PPFIBP2: variants seen among roughly 807,000 people sequenced by gnomAD.
The protein encoded by PPFIBP2 is PPFIB scaffold protein 2.
Under a neutral mutation model 118.3 loss-of-function variants are expected in PPFIBP2, and 118 were observed. The observed-to-expected ratio is 1.00, with a 90% CI of 0.86 to 1.16. The LOEUF (loss-of-function observed/expected upper bound fraction) is 1.16, where lower values mean the gene tolerates loss of function less well. PPFIBP2 is among the 50% of genes most tolerant of loss of function. The pLI is 0.00. For synonymous variants in PPFIBP2, 414 were observed against 397.4 expected, an observed-to-expected ratio of 1.04 and a Z score of -0.50; for missense variants, 1,195 against 1,073.1, an observed-to-expected ratio of 1.11 and a Z score of -1.59.
intron 6 of PPFIBP2, among the ~76,000 whole-genome samples, chr11:7,613,873 C>T (rs1007037485): frequency 6.6e-6 from 1 of 152,148 alleles, no homozygotes; most frequent in Non-Finnish European, 1.5e-5. Context: ...GGGGAGTCAG[C>T]CCAACTGATC....
chr11:7,664,555 T>C, the PPFIBP2 span, among the ~76,000 whole-genome samples: 1 of 152,188 alleles, frequency 6.6e-6, no homozygotes, highest in Non-Finnish European at 1.5e-5. Flanking sequence ...TGGACTTTGT[T>C]ATCTGTTCCC....
intron 6 of PPFIBP2, among the ~76,000 whole-genome samples, chr11:7,620,041 C>G (rs989910968): frequency 1.3e-5 from 2 of 152,152 alleles, no homozygotes; most frequent in Non-Finnish European, 2.9e-5. Flanking sequence ...TTAGTGGAGT[C>G]ATCTTTATAG....
At chr11:7,610,824 C>T (rs545261487) in intron 6 of PPFIBP2, among the ~76,000 whole-genome samples, 1 of 152,180 alleles carries the variant, frequency 6.6e-6, no homozygotes, top group Non-Finnish European at 1.5e-5. Context: ...CGTTTCTTGA[C>T]GTGCGTTTCA....
chr11:7,528,773 A>G (rs1850434485), intron 1 of PPFIBP2, among the ~76,000 whole-genome samples: 1 of 152,222 alleles, frequency 6.6e-6, no homozygotes, highest in Non-Finnish European at 1.5e-5. Context: ...TTCACAGATC[A>G]CATGTTCAAG....
At chr11:7,637,831 C>T (rs1004940673) in intron 14 of PPFIBP2, among the ~76,000 whole-genome samples, 1 of 152,222 alleles carries the variant, frequency 6.6e-6, no homozygotes, top group Non-Finnish European at 1.5e-5. Context: ...GTCTTTCTTA[C>T]AGGTCGGGGC....
intron 15 of PPFIBP2, 79 bp from the exon 16 acceptor site, chr11:7,641,400 G>T: frequency 1.3e-6 from 2 of 1,496,238 alleles, no homozygotes. Context: ...CCACTGAAGG[G>T]GAGGGCCCAG....
chr11:7,651,880 T>C (rs1854074777), intron 23 of PPFIBP2, 36 bp downstream of exon 23: 1 of 1,574,258 alleles, frequency 6.4e-7, no homozygotes, highest in East Asian at 2.3e-5. Flanking sequence ...GGCCCTGGGC[T>C]GCCTCCTGGC....
chr11:7,630,912 T>A lies in PPFIBP2; in HGVS notation c.965-13T>A. ...AATTCAACAATTCAGTCTTACTACC[T>A]TAATGCTTGCAGGGCCTTCGGAGAG... On this transcript the variant is annotated splice_polypyrimidine_tract_variant and intron_variant, in intron 10 of 23. Coordinates refer to ENST00000299492, the MANE Select transcript of PPFIBP2 (RefSeq NM_003621.5). 1 of 1,602,412 alleles carries A rather than the reference T, an allele frequency of 6.2e-7. No individual in the cohort carries two copies. The highest frequency in any genetic ancestry group is 8.6e-7 in the Non-Finnish European group (1 of 1,169,322).
intron 1 of PPFIBP2, among the ~76,000 whole-genome samples, chr11:7,519,128 G>C (rs1849502670): frequency 6.6e-6 from 1 of 152,054 alleles, no homozygotes; most frequent in African/African-American, 2.4e-5. Context: ...GATGGCAGCT[G>C]AGAAGATGGC....
rs146245078 is a variant in PPFIBP2, at chr11:7,643,337, A to G, written c.1646+911A>G. 2.1e-3 allele frequency among the ~76,000 whole-genome samples: 316 copies of G among 152,320 alleles called. 1 individual carries two copies. The highest frequency in any genetic ancestry group is 7.0e-3 in the African/African-American group (290 of 41,568). ...AAGGATTGACTCTAGAAGGGGAATCATTGGGTCAGGGTATAAAAACTTTCC... is the reference window on the plus strand; with the variant it reads ...AAGGATTGACTCTAGAAGGGGAATCGTTGGGTCAGGGTATAAAAACTTTCC... On this transcript the variant is annotated intron_variant, in intron 17 of 23. Coordinates refer to ENST00000299492, the MANE Select transcript of PPFIBP2 (RefSeq NM_003621.5).
chr11:7,585,468 A>G (rs1294266274), intron 3 of PPFIBP2, among the ~76,000 whole-genome samples: 2 of 152,218 alleles, frequency 1.3e-5, no homozygotes, highest in African/African-American at 2.4e-5. Flanking sequence ...TCAATGAAGT[A>G]CAGTGCCAGC....
rs1287462280 is a variant in PPFIBP2 at position 7,651,956 on chromosome 11, A to T, written c.2436+112A>T. 5 of 1,053,370 alleles carry T rather than the reference A, an allele frequency of 4.7e-6. No homozygotes were observed. The African/African-American group carries it at 8.1e-5, about 17-fold the overall frequency. 65.3% of individuals were successfully genotyped at this position (1,053,370 alleles called of 1,614,324 possible). ...AGCAGCATGCGCAGCCTGGACAAAG[A>T]GGATCTTTCAGCTTCTGCTGTGGGC... On this transcript the variant is annotated intron_variant, in intron 23 of 23. Transcript: ENST00000299492.
At chr11:7,599,747 T>C (rs1228716319) in intron 5 of PPFIBP2, among the ~76,000 whole-genome samples, 1 of 151,242 alleles carries the variant, frequency 6.6e-6, no homozygotes. Context: ...TCTCCTGCCT[T>C]AGCCTCCCAA....
intron 2 of PPFIBP2, among the ~76,000 whole-genome samples, chr11:7,558,198 T>C (rs1433543526): frequency 6.6e-6 from 1 of 152,206 alleles, no homozygotes; most frequent in African/African-American, 2.4e-5. Context: ...CATCTTCACT[T>C]GAACACAGAC....
chr11:7,569,607 G>A (rs1855423805), intron 3 of PPFIBP2, among the ~76,000 whole-genome samples: 1 of 152,234 alleles, frequency 6.6e-6, no homozygotes, highest in South Asian at 2.1e-4. Context: ...TATAGAGGGT[G>A]TCTTGGGGTC....
chr11:7,613,481 C>T (rs1221755956), intron 6 of PPFIBP2, among the ~76,000 whole-genome samples: 1 of 152,158 alleles, frequency 6.6e-6, no homozygotes, highest in Non-Finnish European at 1.5e-5. Flanking sequence ...ACTAGGTTTC[C>T]TGTTTACCTT....
rs182870091 is a variant in PPFIBP2, at chr11:7,532,384, C to G, written c.-36-17056C>G. 2.6e-5 allele frequency among the ~76,000 whole-genome samples: 4 copies of G among 152,282 alleles called. No homozygotes were observed. In the East Asian group the frequency reaches 7.7e-4, roughly 29 times the overall value. ...TTTTGAGGGTGTGGGTACAATTCAG[C>G]TCATAACAGGGTGTTTCCAAAATCC... On this transcript the variant is annotated intron_variant, in intron 1 of 23. Coordinates refer to ENST00000299492, the MANE Select transcript of PPFIBP2 (RefSeq NM_003621.5).
At position 7,562,968 on chromosome 11, in the gene PPFIBP2, T is replaced by TACACAC. The variant is rs1382262708; in HGVS notation, c.65-2584_65-2583insCACACA. Among the ~76,000 whole-genome samples the TACACAC allele has an allele frequency of 1.5e-3, 150 of 99,508 alleles. 2 individuals carry two copies. The highest frequency in any genetic ancestry group is 5.5e-3 in the African/African-American group (138 of 25,082). The allele number at this position is 99,508 out of a possible 152,430, so 65.3% of individuals were successfully genotyped here. On this transcript the variant is annotated intron_variant, in intron 2 of 23. Transcript: ENST00000299492. ...ATATATATATATATATATATATATA[T>TACACAC]ATATATATACACGCACACACACATA...
intron 18 of PPFIBP2, 56 bp downstream of exon 18, chr11:7,648,593 G>T (rs1224843160): frequency 1.3e-6 from 2 of 1,591,506 alleles, no homozygotes; most frequent in Non-Finnish European, 1.7e-6. Flanking sequence ...GCATGGGGAG[G>T]CCAGGGTCCG....
Sources: allele counts gnomAD v4.1 joint callset (sites outside exome capture counted in the v4.1 genomes callset), GRCh38; gene constraint gnomAD v4.1.1; transcripts MANE v1.5; gene names NCBI Gene and HGNC (gene_info 2026-07-23, HGNC 2026-07-21).